VAT1L: variants seen among roughly 807,000 people sequenced by gnomAD.
VAT1L encodes putative NADPH-dependent quinone oxidoreductase VAT1L.
Under a neutral mutation model 44.1 loss-of-function variants are expected in VAT1L, and 34 were observed. The observed-to-expected ratio is 0.77, with a 90% confidence interval of 0.59 to 1.03. The LOEUF (loss-of-function observed/expected upper bound fraction) is 1.03, where lower values mean the gene tolerates loss of function less well. Among genes scored for constraint, VAT1L ranks in the 50% least tolerant of loss-of-function variants. The pLI, the probability that VAT1L is intolerant of heterozygous loss-of-function variation, is 0.00. For synonymous variants in VAT1L, 253 were observed against 202.2 expected (o/e 1.25, Z -2.13); for missense variants, 615 against 538.8 (o/e 1.14, Z -1.40).
At chr16:77,841,262 T>C (rs1047593180) in intron 3 of VAT1L, among the ~76,000 whole-genome samples, 5 of 152,176 alleles carry the variant, frequency 3.3e-5, no homozygotes, top group Non-Finnish European at 5.9e-5. Context: ...TAAAAACTTT[T>C]TGGTGAGATG....
At chr16:77,954,306 A>T (rs1215964326) in intron 7 of VAT1L, among the ~76,000 whole-genome samples, 1 of 152,122 alleles carries the variant, frequency 6.6e-6, no homozygotes, top group Admixed American at 6.5e-5. Context: ...GTCAAGTGTT[A>T]AACTAGGCTC....
intron 4 of VAT1L, among the ~76,000 whole-genome samples, chr16:77,873,332 G>T (rs1024327729): frequency 2.0e-5 from 3 of 152,144 alleles, no homozygotes; most frequent in African/African-American, 7.2e-5. Flanking sequence ...TGCCTCATAG[G>T]CTTTTTGTGA....
chr16:77,942,272 C>G (rs1056790055), intron 7 of VAT1L, among the ~76,000 whole-genome samples: 1 of 152,176 alleles, frequency 6.6e-6, no homozygotes, highest in East Asian at 1.9e-4. Context: ...ACCATCAGAT[C>G]TCATGAGACT....
At chr16:77,972,168 G>A (rs575930750) in intron 8 of VAT1L, among the ~76,000 whole-genome samples, 7 of 152,194 alleles carry the variant, frequency 4.6e-5, no homozygotes, top group Non-Finnish European at 8.8e-5. Context: ...TGAAGGCATA[G>A]GCAGGAAAGC....
intron 7 of VAT1L, among the ~76,000 whole-genome samples, chr16:77,906,278 A>G (rs575192817): frequency 7.2e-5 from 11 of 152,244 alleles, no homozygotes; most frequent in Admixed American, 2.0e-4. Flanking sequence ...CAATGTGGAG[A>G]CGGCTTTCAG....
chr16:77,961,899 C>T (rs1021545801), intron 7 of VAT1L, among the ~76,000 whole-genome samples: 1 of 152,186 alleles, frequency 6.6e-6, no homozygotes, highest in Non-Finnish European at 1.5e-5. Context: ...GAATGCTATA[C>T]AGATGTGAAT....
chr16:77,862,407 G>C (rs904252483), intron 3 of VAT1L, among the ~76,000 whole-genome samples: 1 of 152,030 alleles, frequency 6.6e-6, no homozygotes, highest in African/African-American at 2.4e-5. Flanking sequence ...CTGAGCTCAG[G>C]AGTTCGAGAC....
At chr16:77,814,975 A>G (rs1221430951) in intron 1 of VAT1L, among the ~76,000 whole-genome samples, 1 of 152,212 alleles carries the variant, frequency 6.6e-6, no homozygotes, top group Non-Finnish European at 1.5e-5. Flanking sequence ...TATGTGCATT[A>G]ATTTTCAATG....
chr16:77,916,447 C>T (rs1228993374), intron 7 of VAT1L, among the ~76,000 whole-genome samples: 1 of 152,142 alleles, frequency 6.6e-6, no homozygotes, highest in Non-Finnish European at 1.5e-5. Flanking sequence ...TTACTACTCT[C>T]TCTCCACTGG....
intron 3 of VAT1L, among the ~76,000 whole-genome samples, chr16:77,828,339 A>G (rs566916698): frequency 6.6e-6 from 1 of 152,332 alleles, no homozygotes; most frequent in African/African-American, 2.4e-5. Flanking sequence ...GTTATTCAGG[A>G]TGACCCAGTG....
At chr16:77,949,517 G>C (rs899405253) in intron 7 of VAT1L, among the ~76,000 whole-genome samples, 4 of 152,242 alleles carry the variant, frequency 2.6e-5, no homozygotes, top group African/African-American at 7.2e-5. Flanking sequence ...TTGGGTCATA[G>C]GAGTGGATTC....
intron 7 of VAT1L, among the ~76,000 whole-genome samples, chr16:77,933,212 AC>A (rs2017752414): frequency 6.6e-6 from 1 of 152,118 alleles, no homozygotes; most frequent in Admixed American, 6.6e-5. Flanking sequence ...CTTATAGTAA[AC>A]CCCTATCTTA....
chr16:77,847,020 A>T (rs407055), intron 3 of VAT1L, among the ~76,000 whole-genome samples: 87,559 of 152,054 alleles, frequency 0.58, 26,335 homozygotes, highest in East Asian at 0.73. Flanking sequence ...ACAATGGCAT[A>T]AATGTGTTGC....
chr16:77,938,571 T>C (rs4530151), intron 7 of VAT1L, among the ~76,000 whole-genome samples: 76,606 of 151,754 alleles, frequency 0.5, 20,159 homozygotes, highest in East Asian at 0.73. Flanking sequence ...TGTGTGGCAC[T>C]TCCCCCCTTA....
intron 4 of VAT1L, among the ~76,000 whole-genome samples, chr16:77,875,196 G>C (rs1160063301): frequency 6.6e-6 from 1 of 152,122 alleles, no homozygotes; most frequent in Admixed American, 6.5e-5. Flanking sequence ...CTGGATTTTG[G>C]ACATGACATG....
chr16:77,815,026 C>A (rs995759202), intron 1 of VAT1L, among the ~76,000 whole-genome samples: 3 of 152,190 alleles, frequency 2.0e-5, no homozygotes, highest in Non-Finnish European at 4.4e-5. Flanking sequence ...TCCCACTTTA[C>A]AGATGTGGAA....
intron 1 of VAT1L, among the ~76,000 whole-genome samples, chr16:77,814,937 A>G: frequency 6.6e-6 from 1 of 152,228 alleles, no homozygotes; most frequent in East Asian, 1.9e-4. Flanking sequence ...AATACTGACT[A>G]TGTACGTGGC....
At chr16:77,847,963 C>A (rs1193032076) in intron 3 of VAT1L, among the ~76,000 whole-genome samples, 1 of 152,168 alleles carries the variant, frequency 6.6e-6, no homozygotes, top group African/African-American at 2.4e-5. Flanking sequence ...AGGGTTATCA[C>A]CTTCCAGGCC....
intron 7 of VAT1L, among the ~76,000 whole-genome samples, chr16:77,965,638 C>T (rs996866214): frequency 6.6e-6 from 1 of 152,206 alleles, no homozygotes; most frequent in African/African-American, 2.4e-5. Context: ...CGTGGCATCC[C>T]AGACTGGGTG....
Sources: allele counts gnomAD v4.1 joint callset (sites outside exome capture counted in the v4.1 genomes callset), GRCh38; gene constraint gnomAD v4.1.1; transcripts MANE v1.5; gene names NCBI Gene and HGNC (gene_info 2026-07-23, HGNC 2026-07-21).